NLGN1: variants seen among roughly 807,000 people sequenced by gnomAD.
The protein encoded by NLGN1 is neuroligin 1, also known as neuroligin-1.
A neutral mutation model predicts 65.5 loss-of-function variants in NLGN1; 12 were observed. The observed-to-expected ratio is 0.18, with a 90% CI of 0.12 to 0.30. The LOEUF (loss-of-function observed/expected upper bound fraction) is 0.30. Ranked by LOEUF, NLGN1 falls within the 10% of genes least tolerant of loss-of-function variation. The pLI is 1.00. For missense variants in NLGN1, 750 were observed against 1,007.1 expected (o/e 0.74, Z 3.46); for synonymous variants, 350 against 359.5 (o/e 0.97, Z 0.30).
At chr3:174,000,146 G>T (rs1290897986) in intron 4 of NLGN1, among the ~76,000 whole-genome samples, 1 of 152,058 alleles carries the variant, frequency 6.6e-6, no homozygotes, top group Non-Finnish European at 1.5e-5. Flanking sequence ...GTCCACTGAT[G>T]ATGGTTCCTC....
At chr3:173,999,494 C>T (rs1013491803) in intron 4 of NLGN1, among the ~76,000 whole-genome samples, 14 of 152,004 alleles carry the variant, frequency 9.2e-5, no homozygotes, top group African/African-American at 2.7e-4. Context: ...TAATTTCAAC[C>T]GTACATCTTG....
intron 3 of NLGN1, among the ~76,000 whole-genome samples, chr3:173,665,052 A>G (rs899684254): frequency 6.6e-6 from 1 of 152,148 alleles, no homozygotes; most frequent in Non-Finnish European, 1.5e-5. Flanking sequence ...TTGACAACAT[A>G]CAAGAAATAC....
intron 4 of NLGN1, among the ~76,000 whole-genome samples, chr3:174,043,141 C>G (rs1732733425): frequency 6.6e-6 from 1 of 152,138 alleles, no homozygotes; most frequent in African/African-American, 2.4e-5. Flanking sequence ...GGAAGCTTTT[C>G]CCATGATTCA....
intron 2 of NLGN1, among the ~76,000 whole-genome samples, chr3:173,515,328 T>G (rs2149110575): frequency 6.6e-6 from 1 of 152,296 alleles, no homozygotes; most frequent in Non-Finnish European, 1.5e-5. Context: ...TTTAGCCCAT[T>G]TTTAAATTAA....
At chr3:173,689,517 G>A (rs181215742) in intron 3 of NLGN1, among the ~76,000 whole-genome samples, 38 of 152,116 alleles carry the variant, frequency 2.5e-4, no homozygotes, top group African/African-American at 9.1e-4. Flanking sequence ...AGAGAAAATG[G>A]CATTTGACCC....
rs116707461 is a variant in NLGN1, at chr3:173,422,326, C to T, written c.-389-12684C>T. 4.0e-3 allele frequency among the ~76,000 whole-genome samples: 606 copies of T among 152,202 alleles called. 6 individuals are homozygous for T. The highest frequency in any genetic ancestry group is 6.8e-3 in the Middle Eastern group (2 of 294). ...TACGTGAGAGCTAAAAAGTTTATCT[C>T]AAGGAGGTAGAGAGTAGAATGGCGG... On this transcript the variant is annotated intron_variant, in intron 1 of 6. Coordinates refer to ENST00000457714, the Ensembl canonical transcript of NLGN1.
At chr3:173,471,785 TAA>T (rs993084693) in intron 2 of NLGN1, among the ~76,000 whole-genome samples, 3 of 152,152 alleles carry the variant, frequency 2.0e-5, no homozygotes, top group African/African-American at 7.2e-5. Context: ...TTCCAGAACC[TAA>T]GTGTTAAGAG....
intron 4 of NLGN1, among the ~76,000 whole-genome samples, chr3:173,878,659 T>C (rs1227142526): frequency 6.7e-6 from 1 of 149,654 alleles, no homozygotes; most frequent in Non-Finnish European, 1.5e-5. Context: ...TGTATATATA[T>C]ATATACACAT....
chr3:173,515,156 C>T lies in NLGN1; in HGVS notation c.-321+80078C>T, dbSNP rs192582087. Among the ~76,000 whole-genome samples the T allele has an allele frequency of 2.3e-3, 355 of 152,258 alleles. 2 individuals are homozygous for T. Among genetic ancestry groups the T allele is most frequent in the African/African-American group, 7.7e-3 (319 of 41,564 alleles). ...GGGCAACAATTTATCCACAACCTCACCAACACTTACCTTTTCTGTTTTTGA... is the reference window on the plus strand; with the variant it reads ...GGGCAACAATTTATCCACAACCTCATCAACACTTACCTTTTCTGTTTTTGA... On this transcript the variant is annotated intron_variant, in intron 2 of 6. Transcript: ENST00000457714.
At chr3:173,414,845 A>G (rs900581500) in intron 1 of NLGN1, among the ~76,000 whole-genome samples, 2 of 152,190 alleles carry the variant, frequency 1.3e-5, no homozygotes, top group Non-Finnish European at 2.9e-5. Flanking sequence ...GCAGCCTAGA[A>G]TGACAGACAA....
At chr3:173,950,224 T>A (rs1747937058) in intron 4 of NLGN1, among the ~76,000 whole-genome samples, 1 of 152,200 alleles carries the variant, frequency 6.6e-6, no homozygotes, top group African/African-American at 2.4e-5. Flanking sequence ...TTTCTGTGAA[T>A]GTAAAACTTT....
At chr3:173,427,662 G>A (rs1014960310) in intron 1 of NLGN1, among the ~76,000 whole-genome samples, 1 of 151,752 alleles carries the variant, frequency 6.6e-6, no homozygotes, top group Non-Finnish European at 1.5e-5. Context: ...TTATTCCATT[G>A]TGGTCAGAAA....
At chr3:174,223,041 G>C (rs535265727) in intron 4 of NLGN1, among the ~76,000 whole-genome samples, 1 of 152,092 alleles carries the variant, frequency 6.6e-6, no homozygotes, top group African/African-American at 2.4e-5. Context: ...TGTGCCACCA[G>C]AGAGGAGGTC....
intron 3 of NLGN1, among the ~76,000 whole-genome samples, chr3:173,789,204 A>T (rs1412797412): frequency 2.0e-5 from 3 of 152,050 alleles, no homozygotes; most frequent in Non-Finnish European, 4.4e-5. Context: ...ATCCAAAAAA[A>T]AAAGAAAGAG....
intron 3 of NLGN1, chr3:173,789,962 C>G (rs1712303584): frequency 1.3e-5 from 6 of 454,750 alleles, no homozygotes; most frequent in South Asian, 9.5e-5. Context: ...AGTCCCTACC[C>G]TTGTCTTTTT....
chr3:174,151,864 A>G (rs1724418233), intron 4 of NLGN1, among the ~76,000 whole-genome samples: 1 of 152,034 alleles, frequency 6.6e-6, no homozygotes, highest in South Asian at 2.1e-4. Flanking sequence ...ACAGATGGAC[A>G]AAAAAAATTA....
At chr3:174,161,773 G>C (rs895863021) in intron 4 of NLGN1, among the ~76,000 whole-genome samples, 3 of 151,888 alleles carry the variant, frequency 2.0e-5, no homozygotes, top group Admixed American at 2.0e-4. Flanking sequence ...TACTATCCAC[G>C]GGGTCTGATG....
intron 3 of NLGN1, among the ~76,000 whole-genome samples, chr3:173,733,026 A>G (rs927406109): frequency 4.6e-5 from 7 of 152,166 alleles, no homozygotes; most frequent in Admixed American, 6.6e-5. Flanking sequence ...TTATCTTTCA[A>G]TTTTTATAAC....
At chr3:173,897,257 T>C (rs1736499264) in intron 4 of NLGN1, among the ~76,000 whole-genome samples, 1 of 152,206 alleles carries the variant, frequency 6.6e-6, no homozygotes, top group Admixed American at 6.5e-5. Flanking sequence ...CCGCTAGAGA[T>C]CATCACCTGA....
Sources: gnomAD v4.1 joint callset for allele counts (sites outside exome capture counted in the v4.1 genomes callset) on GRCh38, gnomAD v4.1.1 for gene constraint, MANE v1.5 for transcripts, NCBI Gene and HGNC (gene_info 2026-07-23, HGNC 2026-07-21) for gene names.